Variants in KSR2 observed in about 807,000 individuals in gnomAD.
KSR2 encodes the protein kinase suppressor of ras 2.
KSR2 carries 25 observed loss-of-function variants against 107.8 expected under a neutral mutation model. That is an observed-to-expected ratio of 0.23 (90% CI 0.17 to 0.32). The LOEUF (loss-of-function observed/expected upper bound fraction) is 0.32, where lower values mean the gene tolerates loss of function less well. Among genes scored for constraint, KSR2 ranks in the 10% least tolerant of loss-of-function variants. KSR2 has a pLI of 1.00. For synonymous variants in KSR2, 480 were observed against 507.0 expected (o/e 0.95, Z 0.71); for missense variants, 887 against 1,268.9 (o/e 0.70, Z 4.57).
intron 3 of KSR2, among the ~76,000 whole-genome samples, chr12:117,798,099 TC>T (rs1890698845): frequency 1.3e-5 from 2 of 148,680 alleles, no homozygotes; most frequent in African/African-American, 5.0e-5. Context: ...TAATTTTTTT[TC>T]TTCTCACCTT....
intron 4 of KSR2, among the ~76,000 whole-genome samples, chr12:117,723,220 A>G (rs1267245675): frequency 1.3e-5 from 2 of 152,232 alleles, no homozygotes; most frequent in Admixed American, 1.3e-4. Flanking sequence ...AAGCTCTTCC[A>G]GCCAAAAGTG....
intron 3 of KSR2, among the ~76,000 whole-genome samples, chr12:117,839,117 T>G (rs1431973757): frequency 1.3e-5 from 2 of 152,226 alleles, no homozygotes; most frequent in East Asian, 1.9e-4. Flanking sequence ...CCACACGATC[T>G]CATTCCTGAT....
At chr12:117,920,444 T>C (rs1895308004) in intron 1 of KSR2, among the ~76,000 whole-genome samples, 1 of 151,998 alleles carries the variant, frequency 6.6e-6, no homozygotes, top group African/African-American at 2.4e-5. Flanking sequence ...AATATAGGTC[T>C]TATGATGGTG....
chr12:117,508,928 G>A (rs1185167619), intron 14 of KSR2, among the ~76,000 whole-genome samples: 1 of 151,612 alleles, frequency 6.6e-6, no homozygotes, highest in Non-Finnish European at 1.5e-5. Context: ...TGGGTGGATG[G>A]GGTGGATGGG....
chr12:117,665,770 C>T (rs1884633744), intron 5 of KSR2, among the ~76,000 whole-genome samples: 1 of 152,230 alleles, frequency 6.6e-6, no homozygotes, highest in African/African-American at 2.4e-5. Flanking sequence ...TTATTGTCCC[C>T]ATTTTACAGA....
chr12:117,857,134 C>T (rs1893130152), intron 2 of KSR2, among the ~76,000 whole-genome samples: 1 of 152,166 alleles, frequency 6.6e-6, no homozygotes, highest in Admixed American at 6.5e-5. Flanking sequence ...TCATATCTCA[C>T]TGCAGCCTCA....
At position 117,472,998 on chromosome 12, in the gene KSR2, C is replaced by A. The variant is rs1196758669; in HGVS notation, c.2583-1678G>T. On this transcript the variant is annotated intron_variant, in intron 17 of 19. Transcript: ENST00000339824. The stretch of plus-strand genomic sequence containing the variant: ...AGATAATCCAGAACTCACACTCATA[C>A]TGCCAACTACCTCCTTAATTGGGCT... Among the ~76,000 whole-genome samples the A allele has an allele frequency of 2.6e-5, 4 of 152,308 alleles. No individual in the cohort carries two copies. In the East Asian group the frequency reaches 5.8e-4, roughly 22 times the overall value.
chr12:117,717,712 T>TGTGTGTGC (rs1209120329), intron 4 of KSR2, among the ~76,000 whole-genome samples: 2 of 137,176 alleles, frequency 1.5e-5, no homozygotes, highest in South Asian at 4.9e-4. Flanking sequence ...TGTGTGTGTG[T>TGTGTGTGC]GCATGCGCGC....
intron 1 of KSR2, among the ~76,000 whole-genome samples, chr12:117,922,608 C>T (rs990391087): frequency 2.1e-4 from 32 of 152,136 alleles, no homozygotes; most frequent in African/African-American, 5.6e-4. Flanking sequence ...CTGTGCCTGA[C>T]GAGTGCTCTG....
intron 3 of KSR2, among the ~76,000 whole-genome samples, chr12:117,851,707 A>C (rs1304888073): frequency 6.6e-6 from 1 of 152,062 alleles, no homozygotes; most frequent in Non-Finnish European, 1.5e-5. Context: ...CCTAGCCAAC[A>C]TAGGGAAACC....
intron 4 of KSR2, among the ~76,000 whole-genome samples, chr12:117,679,006 C>T (rs1401670673): frequency 1.3e-5 from 2 of 152,104 alleles, no homozygotes; most frequent in Non-Finnish European, 2.9e-5. Context: ...GGCATGAATT[C>T]GTATTGTCTC....
At chr12:117,914,619 T>C (rs1440637871) in intron 1 of KSR2, among the ~76,000 whole-genome samples, 5 of 152,154 alleles carry the variant, frequency 3.3e-5, no homozygotes, top group Non-Finnish European at 4.4e-5. Context: ...ACTGCAGCCT[T>C]GAACCCCCAG....
chr12:117,542,059 CTT>C (rs1026153478), intron 9 of KSR2, among the ~76,000 whole-genome samples: 10 of 151,912 alleles, frequency 6.6e-5, no homozygotes, highest in African/African-American at 2.4e-4. Context: ...CTTTAAAACA[CTT>C]TTTTTGGTAG....
chr12:117,866,038 CTTTTTT>C, intron 1 of KSR2, among the ~76,000 whole-genome samples: 1 of 124,228 alleles, frequency 8.0e-6, no homozygotes, highest in South Asian at 2.4e-4. Context: ...TAATCTCTCT[CTTTTTT>C]TTTTTTTTTT....
chr12:117,715,968 C>G (rs1030596256), intron 4 of KSR2, among the ~76,000 whole-genome samples: 1 of 152,192 alleles, frequency 6.6e-6, no homozygotes, highest in Non-Finnish European at 1.5e-5. Context: ...CTGGAACATG[C>G]TCCTCTATCC....
At chr12:117,836,109 AG>A (rs11315631) in intron 3 of KSR2, among the ~76,000 whole-genome samples, 92,170 of 151,926 alleles carry the variant, frequency 0.61, 28,634 homozygotes, top group Admixed American at 0.73. Flanking sequence ...ATATGTTAAA[AG>A]AAGATTGCGA....
At position 117,783,198 on chromosome 12, in the gene KSR2, C is replaced by T. The variant is rs549356069; in HGVS notation, c.473-21674G>A. On this transcript the variant is annotated intron_variant, in intron 3 of 19. Transcript: ENST00000339824. ...ATATTACCTAATTCAACCCTTACAA[C>T]GGCACTACAAGGTAGTTATTAATAT... is the stretch of plus-strand genomic sequence containing the variant. Among the ~76,000 whole-genome samples, 10 of 152,118 alleles carry T rather than the reference C, an allele frequency of 6.6e-5. No individual in the cohort carries two copies. In the East Asian group the frequency reaches 7.7e-4, roughly 12 times the overall value.
chr12:117,724,438 C>T (rs1255455110), intron 4 of KSR2, among the ~76,000 whole-genome samples: 2 of 151,824 alleles, frequency 1.3e-5, no homozygotes, highest in Non-Finnish European at 2.9e-5. Flanking sequence ...AATATAAAAA[C>T]TACACTTTTT....
At chr12:117,859,358 C>A (rs1361780087) in intron 2 of KSR2, among the ~76,000 whole-genome samples, 1 of 151,644 alleles carries the variant, frequency 6.6e-6, no homozygotes, top group Non-Finnish European at 1.5e-5. Flanking sequence ...GTTGGCCAGG[C>A]TGGCCTCAAA....
Sources: gnomAD v4.1 joint callset for allele counts (sites outside exome capture counted in the v4.1 genomes callset) on GRCh38, gnomAD v4.1.1 for gene constraint, MANE v1.5 for transcripts, NCBI Gene and HGNC (gene_info 2026-07-23, HGNC 2026-07-21) for gene names.